Variants in DPP10 observed in about 807,000 individuals in gnomAD.
The protein encoded by DPP10 is inactive dipeptidyl peptidase 10.
DPP10 carries 33 observed loss-of-function variants against 120.9 expected under a neutral mutation model. The ratio of observed to expected loss-of-function variants is 0.27; its 90% CI spans 0.21 to 0.37. DPP10 has a LOEUF of 0.37. DPP10 is among the 10% of genes least tolerant of loss of function. The pLI is 1.00. For synonymous variants in DPP10, 337 were observed against 326.1 expected, an observed-to-expected ratio of 1.03 and a Z score of -0.36; for missense variants, 816 against 942.8, an observed-to-expected ratio of 0.87 and a Z score of 1.76.
rs186118247 is a variant in DPP10, at chr2:114,720,729, C to T, written c.60+277891C>T. On this transcript the variant is annotated intron_variant, in intron 1 of 25. Transcript: ENST00000410059. ...CCCATATCTGGTTCTCCTCTACTTT[C>T]TGGACACATGAAATATACATTTCTT... Among the ~76,000 whole-genome samples, 208 of 152,328 alleles carry T rather than the reference C, an allele frequency of 1.4e-3. 2 individuals are homozygous for T. Among genetic ancestry groups the T allele is most frequent in the African/African-American group, 4.8e-3 (198 of 41,572 alleles).
At chr2:115,503,870 G>A (rs2076810370) in intron 4 of DPP10, among the ~76,000 whole-genome samples, 1 of 152,072 alleles carries the variant, frequency 6.6e-6, no homozygotes, top group Non-Finnish European at 1.5e-5. Flanking sequence ...AGTGAGTAGA[G>A]GTCAGAAATG....
At chr2:114,672,870 C>T (rs1207645965) in intron 1 of DPP10, among the ~76,000 whole-genome samples, 1 of 152,132 alleles carries the variant, frequency 6.6e-6, no homozygotes, top group Non-Finnish European at 1.5e-5. Flanking sequence ...CTTCCATATG[C>T]AGATTTTCTT....
At chr2:115,404,449 A>G (rs1010697914) in intron 3 of DPP10, among the ~76,000 whole-genome samples, 1 of 152,126 alleles carries the variant, frequency 6.6e-6, no homozygotes, top group Non-Finnish European at 1.5e-5. Context: ...TCCAAACTAT[A>G]TCAACTTATA....
intron 1 of DPP10, among the ~76,000 whole-genome samples, chr2:114,991,291 A>G (rs532067873): frequency 6.8e-4 from 103 of 152,188 alleles, no homozygotes; most frequent in African/African-American, 2.4e-3. Context: ...GTGATCATCA[A>G]GAGAAAGGTA....
At chr2:114,923,444 C>T (rs181347104) in intron 1 of DPP10, among the ~76,000 whole-genome samples, 3 of 141,190 alleles carry the variant, frequency 2.1e-5, no homozygotes, top group East Asian at 2.2e-4. Context: ...GGATTACAGG[C>T]GTGAGCCACC....
intron 1 of DPP10, among the ~76,000 whole-genome samples, chr2:115,067,112 T>A (rs1271937137): frequency 6.6e-6 from 1 of 152,218 alleles, no homozygotes; most frequent in Non-Finnish European, 1.5e-5. Context: ...TCTGTTTCTA[T>A]GAGTTTAAGT....
chr2:114,878,124 T>G (rs1490106523), intron 1 of DPP10, among the ~76,000 whole-genome samples: 3 of 152,026 alleles, frequency 2.0e-5, no homozygotes, highest in Non-Finnish European at 4.4e-5. Flanking sequence ...GACTTCAGAA[T>G]AGGAAACATC....
chr2:114,781,573 C>A (rs1180049929), intron 1 of DPP10, among the ~76,000 whole-genome samples: 1 of 152,054 alleles, frequency 6.6e-6, no homozygotes, highest in East Asian at 1.9e-4. Context: ...GTTTTTCCAT[C>A]AAGAGTTATG....
intron 1 of DPP10, among the ~76,000 whole-genome samples, chr2:114,717,992 T>C (rs1701461827): frequency 6.6e-6 from 1 of 152,182 alleles, no homozygotes. Flanking sequence ...ATTACTATTC[T>C]GATACATAGA....
At chr2:115,746,584 T>C (rs1678007928) in intron 10 of DPP10, among the ~76,000 whole-genome samples, 1 of 152,184 alleles carries the variant, frequency 6.6e-6, no homozygotes, top group Non-Finnish European at 1.5e-5. Flanking sequence ...CCCCATAGTT[T>C]TGCCAAAGAT....
At chr2:115,490,497 G>A (rs2105342171) in intron 3 of DPP10, among the ~76,000 whole-genome samples, 1 of 152,134 alleles carries the variant, frequency 6.6e-6, no homozygotes, top group South Asian at 2.1e-4. Context: ...CATATCAATG[G>A]TTTTACCTAC....
At chr2:114,960,329 TA>T (rs1280311443) in intron 1 of DPP10, among the ~76,000 whole-genome samples, 3 of 148,756 alleles carry the variant, frequency 2.0e-5, no homozygotes, top group African/African-American at 7.4e-5. Context: ...ATTTAGAAAA[TA>T]TCTCCTATGT....
intron 1 of DPP10, among the ~76,000 whole-genome samples, chr2:114,666,602 C>T (rs980566450): frequency 1.3e-5 from 2 of 152,176 alleles, no homozygotes; most frequent in African/African-American, 2.4e-5. Flanking sequence ...TAGGCAACCT[C>T]TAAAGTCCCA....
At chr2:115,161,966 G>C in intron 1 of DPP10, 3 of 1,430,392 alleles carry the variant, frequency 2.1e-6, no homozygotes, top group Non-Finnish European at 2.7e-6. Flanking sequence ...GATGACGGCC[G>C]CGAAGCAGGA....
At chr2:115,153,026 G>A (rs1273492393) in intron 1 of DPP10, among the ~76,000 whole-genome samples, 1 of 152,124 alleles carries the variant, frequency 6.6e-6, no homozygotes, top group African/African-American at 2.4e-5. Context: ...TACCCACACA[G>A]TAGATTGCAG....
intron 5 of DPP10, among the ~76,000 whole-genome samples, chr2:115,601,995 C>G (rs1042536059): frequency 3.9e-5 from 6 of 152,110 alleles, no homozygotes; most frequent in African/African-American, 9.7e-5. Flanking sequence ...GTGTAACTTT[C>G]AACAACTCAT....
At chr2:115,263,701 A>G (rs2105766863) in intron 1 of DPP10, among the ~76,000 whole-genome samples, 1 of 152,342 alleles carries the variant, frequency 6.6e-6, no homozygotes, top group Non-Finnish European at 1.5e-5. Context: ...ATAAAAAGTC[A>G]TTTCAAAATA....
intron 4 of DPP10, among the ~76,000 whole-genome samples, chr2:115,501,478 A>C (rs1231251771): frequency 1.3e-5 from 2 of 151,934 alleles, no homozygotes; most frequent in African/African-American, 4.8e-5. Context: ...AATCCTTTTG[A>C]GGTCTCTTTC....
intron 2 of DPP10, among the ~76,000 whole-genome samples, chr2:115,332,761 C>G (rs1362379580): frequency 6.6e-6 from 1 of 152,116 alleles, no homozygotes; most frequent in Non-Finnish European, 1.5e-5. Context: ...ATCCTGAGTT[C>G]CAGTTTGATT....
Sources: allele counts gnomAD v4.1 joint callset (sites outside exome capture counted in the v4.1 genomes callset), GRCh38; gene constraint gnomAD v4.1.1; transcripts MANE v1.5; gene names NCBI Gene and HGNC (gene_info 2026-07-23, HGNC 2026-07-21).